Variants in RPF2 observed in about 807,000 individuals in gnomAD.
The protein encoded by RPF2 is ribosome production factor 2 homolog, also known as brix domain containing 1.
RPF2 carries 21 observed loss-of-function variants against 38.9 expected under a neutral mutation model. The ratio of observed to expected loss-of-function variants is 0.54; its 90% CI spans 0.38 to 0.78. RPF2 has a LOEUF of 0.78. Ranked by LOEUF, RPF2 falls within the 30% of genes least tolerant of loss-of-function variation. RPF2 has a pLI of 0.00. For missense variants in RPF2, 314 were observed against 358.1 expected, an observed-to-expected ratio of 0.88 and a Z score of 0.99; for synonymous variants, 121 against 126.2, an observed-to-expected ratio of 0.96 and a Z score of 0.28.
rs1436106936 is a variant in RPF2 at position 110,994,734 on chromosome 6, T to TATATATATATATATATAC, written c.235-2448_235-2447insTATATATATATATATACA. Among the ~76,000 whole-genome samples, 36 of 134,138 alleles carry TATATATATATATATATAC rather than the reference T, an allele frequency of 2.7e-4. 1 individual carries two copies. Among genetic ancestry groups the TATATATATATATATATAC allele is most frequent in the African/African-American group, 1.1e-3 (33 of 31,248 alleles). 88.0% of individuals were successfully genotyped at this position (134,138 alleles called of 152,430 possible). ...TTGTGGAGAATGGGATGAGTATATA[T>TATATATATATATATATAC]ACACACACACACACACACACACACA... On this transcript the variant is annotated intron_variant, in intron 4 of 9. Transcript: ENST00000441448.
intron 2 of RPF2, among the ~76,000 whole-genome samples, chr6:110,985,830 C>G (rs1248994641): frequency 1.3e-5 from 2 of 150,696 alleles, no homozygotes; most frequent in East Asian, 3.9e-4. Context: ...CCCAGTTGCT[C>G]GGGAGGCTGA....
chr6:111,003,181 T>A (rs1482307248), intron 6 of RPF2, among the ~76,000 whole-genome samples: 1 of 151,760 alleles, frequency 6.6e-6, no homozygotes, highest in African/African-American at 2.4e-5. Context: ...TTGGTACACT[T>A]TCCCTTATTT....
intron 7 of RPF2, 112 bp from the exon 8 acceptor site, chr6:111,015,642 T>C: frequency 1.4e-6 from 1 of 694,020 alleles, no homozygotes; most frequent in Non-Finnish European, 2.5e-6. Context: ...GAATCATTTT[T>C]TGTGCTTTTT....
intron 9 of RPF2, among the ~76,000 whole-genome samples, chr6:111,024,626 T>G (rs746830485): frequency 3.4e-5 from 5 of 147,400 alleles, no homozygotes; most frequent in Non-Finnish European, 7.4e-5. Flanking sequence ...GGCAGGAGAA[T>G]GGCGTGAACC....
intron 4 of RPF2, among the ~76,000 whole-genome samples, chr6:110,994,104 C>T (rs1018010049): frequency 6.6e-6 from 1 of 152,072 alleles, no homozygotes; most frequent in African/African-American, 2.4e-5. Context: ...TGGATAAACC[C>T]TGTCTCTATT....
chr6:110,989,194 T>G, intron 3 of RPF2, 129 bp downstream of exon 3: 7 of 966,160 alleles, frequency 7.2e-6, no homozygotes, highest in Non-Finnish European at 9.7e-6. Context: ...TTATTAATAT[T>G]TTAATTTCTT....
intron 1 of RPF2, among the ~76,000 whole-genome samples, chr6:110,983,576 T>A (rs1382222908): frequency 6.6e-6 from 1 of 152,174 alleles, no homozygotes; most frequent in Non-Finnish European, 1.5e-5. Flanking sequence ...ACTTCTGGGC[T>A]CAGTGATCCA....
chr6:111,021,036 G>A (rs1772223015), intron 8 of RPF2, among the ~76,000 whole-genome samples: 1 of 152,042 alleles, frequency 6.6e-6, no homozygotes, highest in Non-Finnish European at 1.5e-5. Context: ...GGACATGGTG[G>A]CGCATGCCTG....
chr6:110,986,845 G>A (rs1298226544), intron 2 of RPF2, among the ~76,000 whole-genome samples: 2 of 151,720 alleles, frequency 1.3e-5, no homozygotes, highest in African/African-American at 4.8e-5. Context: ...CCAGCTACTA[G>A]GGAGGCTGAG....
At chr6:111,007,552 C>G (rs2114328280) in intron 6 of RPF2, among the ~76,000 whole-genome samples, 1 of 151,962 alleles carries the variant, frequency 6.6e-6, no homozygotes, top group Middle Eastern at 3.4e-3. Flanking sequence ...AAAAAAAAAC[C>G]CACCTCTGTT....
At chr6:111,007,384 G>T (rs528975081) in intron 6 of RPF2, among the ~76,000 whole-genome samples, 17 of 152,026 alleles carry the variant, frequency 1.1e-4, no homozygotes, top group African/African-American at 4.1e-4. Flanking sequence ...TAAATGAATG[G>T]AACAAATAAT....
intron 5 of RPF2, 25 bp from the exon 6 acceptor site, chr6:110,999,686 G>A: frequency 6.7e-7 from 1 of 1,497,644 alleles, no homozygotes; most frequent in Non-Finnish European, 9.3e-7. Context: ...AAAAATACAT[G>A]CTTAAAAATA....
At position 111,027,424 on chromosome 6, in the gene RPF2, C is replaced by G. The variant is rs1257535761; in HGVS notation, c.*1842C>G. 1 of 152,156 alleles carries G rather than the reference C, an allele frequency of 6.6e-6. No individual in the cohort carries two copies. The highest frequency in any genetic ancestry group is 2.4e-5 in the African/African-American group (1 of 41,432). 9.4% of individuals were successfully genotyped at this position (152,156 alleles called of 1,614,324 possible). A position where few individuals can be genotyped will look rare whatever the true frequency, so the allele number is the denominator to read the frequency against. ...TTGCTGCCATCTGGAGGTAGATGGA[C>G]AATAGCTGAGAAGGGGAGCCATGAA... On this transcript the variant is annotated 3_prime_UTR_variant, in exon 10 of 10. Coordinates refer to ENST00000441448, the MANE Select transcript of RPF2 (RefSeq NM_032194.3).
At chr6:110,996,990 T>C (rs3763193) in intron 4 of RPF2, among the ~76,000 whole-genome samples, 193 bp from the exon 5 acceptor site, 53,919 of 151,832 alleles carry the variant, frequency 0.36, 10,512 homozygotes, top group East Asian at 0.67. Flanking sequence ...TTAGTAGAGA[T>C]ACGGTCTTAC....
chr6:111,022,960 G>A (rs1453032672), intron 8 of RPF2, among the ~76,000 whole-genome samples: 1 of 152,208 alleles, frequency 6.6e-6, no homozygotes, highest in Non-Finnish European at 1.5e-5. Context: ...GTGCAGTGGC[G>A]CGATCTCGGC....
At chr6:110,999,871 AG>A in intron 6 of RPF2, 84 bp downstream of exon 6, 1 of 711,194 alleles carries the variant, frequency 1.4e-6, no homozygotes, top group South Asian at 1.7e-5. Flanking sequence ...GTACTGATAG[AG>A]TTTTGTAGAT....
chr6:110,996,247 T>C (rs1771709290), intron 4 of RPF2, among the ~76,000 whole-genome samples: 1 of 151,982 alleles, frequency 6.6e-6, no homozygotes, highest in Non-Finnish European at 1.5e-5. Flanking sequence ...GGTGTGATCT[T>C]GGCTCACTGC....
At chr6:110,988,699 T>C (rs1407093200) in intron 2 of RPF2, among the ~76,000 whole-genome samples, 2 of 152,152 alleles carry the variant, frequency 1.3e-5, no homozygotes, top group African/African-American at 2.4e-5. Context: ...TCCCAAAGTG[T>C]TGGGATTACA....
At chr6:110,983,112 C>G (rs759010293) in intron 1 of RPF2, among the ~76,000 whole-genome samples, 1 of 151,914 alleles carries the variant, frequency 6.6e-6, no homozygotes, top group Non-Finnish European at 1.5e-5. Flanking sequence ...TGGGACTGGA[C>G]GAGGGAGGGT....
Sources: gnomAD v4.1 joint callset for allele counts (sites outside exome capture counted in the v4.1 genomes callset) on GRCh38, gnomAD v4.1.1 for gene constraint, MANE v1.5 for transcripts, NCBI Gene and HGNC (gene_info 2026-07-23, HGNC 2026-07-21) for gene names.